The following EPHB2 variants were observed in gnomAD, a reference collection of about 807,000 sequenced individuals.
EPHB2 encodes ephrin type-B receptor 2.
EPHB2 carries 18 observed loss-of-function variants against 96.4 expected under a neutral mutation model. The ratio of observed to expected loss-of-function variants is 0.19; its 90% CI spans 0.13 to 0.28. The LOEUF is 0.28. EPHB2 is among the 10% of genes least tolerant of loss of function. EPHB2 has a pLI of 1.00. For synonymous variants in EPHB2, 506 were observed against 534.1 expected, an observed-to-expected ratio of 0.95 and a Z score of 0.72; for missense variants, 989 against 1,355.4, an observed-to-expected ratio of 0.73 and a Z score of 4.25.
intron 3 of EPHB2, among the ~76,000 whole-genome samples, chr1:22,859,779 C>T (rs1213481150): frequency 3.3e-5 from 5 of 152,024 alleles, no homozygotes; most frequent in South Asian, 2.1e-4. Context: ...GGTGACAGAG[C>T]GAGACTCCAT....
chr1:22,812,774 T>C (rs532560365), intron 3 of EPHB2, among the ~76,000 whole-genome samples: 65 of 152,306 alleles, frequency 4.3e-4, no homozygotes, highest in African/African-American at 1.5e-3. Context: ...CAGCTGGCAT[T>C]GCTGTTCATC....
intron 1 of EPHB2, among the ~76,000 whole-genome samples, chr1:22,714,666 T>G (rs1201723820): frequency 6.6e-6 from 1 of 152,184 alleles, no homozygotes; most frequent in African/African-American, 2.4e-5. Flanking sequence ...CTGGCCAGAT[T>G]CATGCTTGGA....
intron 3 of EPHB2, among the ~76,000 whole-genome samples, chr1:22,807,939 G>A (rs566544642): frequency 1.9e-3 from 296 of 152,286 alleles, no homozygotes; most frequent in African/African-American, 6.8e-3. Flanking sequence ...TTTGATACCA[G>A]CCTGGCCAAC....
chr1:22,833,445 G>A (rs765649828), intron 3 of EPHB2, among the ~76,000 whole-genome samples: 14 of 152,122 alleles, frequency 9.2e-5, no homozygotes, highest in Non-Finnish European at 1.8e-4. Context: ...GAAATAGTAG[G>A]TGGAACAAAA....
intron 3 of EPHB2, among the ~76,000 whole-genome samples, chr1:22,808,244 A>C (rs1215339119): frequency 1.3e-5 from 2 of 152,204 alleles, no homozygotes; most frequent in Non-Finnish European, 2.9e-5. Flanking sequence ...GAGGTTCCCC[A>C]AACCTGAATG....
chr1:22,783,397 G>A (rs907112906), intron 2 of EPHB2, among the ~76,000 whole-genome samples: 1 of 152,224 alleles, frequency 6.6e-6, no homozygotes, highest in African/African-American at 2.4e-5. Flanking sequence ...ACGGGAGAAG[G>A]ACAGGAGGGG....
At chr1:22,868,875 AT>A (rs1638569413) in intron 5 of EPHB2, among the ~76,000 whole-genome samples, 1 of 152,036 alleles carries the variant, frequency 6.6e-6, no homozygotes, top group Admixed American at 6.6e-5. Context: ...TCCCCACCAA[AT>A]TGTACATAAG....
rs1220229292 is a variant in EPHB2, at chr1:22,921,242, G to T, written c.*7672G>T. 2.0e-5 allele frequency: 3 copies of T among 152,212 alleles called. No homozygotes were observed. The highest frequency in any genetic ancestry group is 7.2e-5 in the African/African-American group (3 of 41,436). 9.4% of individuals were successfully genotyped at this position (152,212 alleles called of 1,614,324 possible). On this transcript the variant is annotated 3_prime_UTR_variant, in exon 16 of 16. Coordinates refer to ENST00000374630, the MANE Select transcript of EPHB2 (RefSeq NM_017449.5). Reference sequence around the variant, plus strand: ...CTCAACCAGGGTATGGGGCTGTCTGGCAGGGTTTCCCAGAACCCTGTTTCC... The same window carrying T: ...CTCAACCAGGGTATGGGGCTGTCTGTCAGGGTTTCCCAGAACCCTGTTTCC...
At chr1:22,736,559 G>A (rs10442640) in intron 1 of EPHB2, among the ~76,000 whole-genome samples, 40,464 of 152,124 alleles carry the variant, frequency 0.27, 6,516 homozygotes, top group South Asian at 0.51. Flanking sequence ...AGCCTCGGTG[G>A]GGCCTGCAGG....
intron 3 of EPHB2, among the ~76,000 whole-genome samples, chr1:22,786,289 T>C (rs1644609614): frequency 6.6e-6 from 1 of 152,068 alleles, no homozygotes; most frequent in African/African-American, 2.4e-5. Flanking sequence ...GTTAACTAAA[T>C]GAGATGATGT....
chr1:22,821,120 A>G lies in EPHB2; in HGVS notation c.811+36044A>G, dbSNP rs575670740. On this transcript the variant is annotated intron_variant, in intron 3 of 15. Coordinates refer to ENST00000374630, the MANE Select transcript of EPHB2 (RefSeq NM_017449.5). ...TAAGCTGGCTGCTAACCCTCCAACC[A>G]TCGCATCCACATTCCAGCCAGGAGG... 3.3e-5 allele frequency among the ~76,000 whole-genome samples: 5 copies of G among 152,300 alleles called. No homozygotes were observed. The South Asian group carries it at 1.0e-3, about 32-fold the overall frequency.
At chr1:22,753,021 T>G (rs548836669) in intron 1 of EPHB2, among the ~76,000 whole-genome samples, 1 of 151,986 alleles carries the variant, frequency 6.6e-6, no homozygotes, top group Non-Finnish European at 1.5e-5. Context: ...GCTCAAGTGA[T>G]CCTCCTGTCT....
intron 9 of EPHB2, among the ~76,000 whole-genome samples, chr1:22,899,537 A>G (rs924680477): frequency 2.0e-5 from 3 of 152,190 alleles, no homozygotes; most frequent in African/African-American, 7.2e-5. Flanking sequence ...CATATATGTA[A>G]AACTAGTTAA....
At chr1:22,912,636 C>T (rs559536830) in intron 15 of EPHB2, 37 bp downstream of exon 15, 23 of 1,610,490 alleles carry the variant, frequency 1.4e-5, no homozygotes, top group Non-Finnish European at 9.3e-6. Flanking sequence ...CACCTTAGCA[C>T]CCCCTCTCCA....
chr1:22,744,680 A>G (rs1326094403), intron 1 of EPHB2, among the ~76,000 whole-genome samples: 2 of 140,722 alleles, frequency 1.4e-5, no homozygotes, highest in African/African-American at 5.6e-5. Flanking sequence ...TCAAAAAAAA[A>G]AAAAAAAAAA....
At chr1:22,851,245 G>A (rs963861772) in intron 3 of EPHB2, among the ~76,000 whole-genome samples, 3 of 152,140 alleles carry the variant, frequency 2.0e-5, no homozygotes, top group Non-Finnish European at 4.4e-5. Flanking sequence ...CGATCCTCCC[G>A]CCTTGGCCTC....
chr1:22,910,254 G>A, intron 13 of EPHB2, 128 bp from the exon 14 acceptor site: 1 of 1,203,666 alleles, frequency 8.3e-7, no homozygotes, highest in African/African-American at 1.5e-5. Context: ...CCTCCAGGAG[G>A]TGAAAGTGGT....
intron 3 of EPHB2, among the ~76,000 whole-genome samples, chr1:22,835,036 G>A (rs1173246462): frequency 1.3e-5 from 2 of 152,176 alleles, no homozygotes; most frequent in Non-Finnish European, 2.9e-5. Context: ...ATGACATAGA[G>A]AATGATAAGA....
chr1:22,741,696 A>AAAAAAAAAAAAAAAAAAAAAC (rs55743842), intron 1 of EPHB2, among the ~76,000 whole-genome samples: 15 of 137,292 alleles, frequency 1.1e-4, no homozygotes, highest in Admixed American at 1.5e-4. Context: ...AAACAAAAAA[A>AAAAAAAAAAAAAAAAAAAAAC]CAAAAAACCT....
Sources: gnomAD v4.1 joint callset for allele counts (sites outside exome capture counted in the v4.1 genomes callset) on GRCh38, gnomAD v4.1.1 for gene constraint, MANE v1.5 for transcripts, NCBI Gene and HGNC (gene_info 2026-07-23, HGNC 2026-07-21) for gene names.